Variants in SYN2 observed in about 807,000 individuals in gnomAD.
SYN2 encodes the protein synapsin-2.
Under a neutral mutation model 50.9 loss-of-function variants are expected in SYN2, and 19 were observed. The ratio of observed to expected loss-of-function variants is 0.37; its 90% CI spans 0.26 to 0.55. SYN2 has a LOEUF of 0.55. Among genes scored for constraint, SYN2 ranks in the 20% least tolerant of loss-of-function variants. The pLI is 0.81. For missense variants in SYN2, 587 were observed against 576.4 expected (o/e 1.02, Z -0.19); for synonymous variants, 255 against 224.9 (o/e 1.13, Z -1.20).
chr3:12,188,277 T>C (rs902926769), intron 12 of SYN2, among the ~76,000 whole-genome samples: 4 of 152,204 alleles, frequency 2.6e-5, no homozygotes, highest in African/African-American at 9.6e-5. Context: ...ACTGCCCCAC[T>C]GCACAGACCC....
chr3:12,182,255 GA>G (rs1416102656), intron 10 of SYN2, among the ~76,000 whole-genome samples: 3 of 152,214 alleles, frequency 2.0e-5, no homozygotes, highest in Non-Finnish European at 2.9e-5. Flanking sequence ...GGCACATCAA[GA>G]GGGGAGAGGA....
At chr3:12,145,907 G>T in intron 4 of SYN2, 72 bp downstream of exon 4, 1 of 1,588,780 alleles carries the variant, frequency 6.3e-7, no homozygotes, top group South Asian at 1.1e-5. Flanking sequence ...CCCTAGCAGG[G>T]ACTCAAGATG....
chr3:12,048,134 T>A (rs1399475028), intron 1 of SYN2, among the ~76,000 whole-genome samples: 1 of 152,170 alleles, frequency 6.6e-6, no homozygotes, highest in East Asian at 1.9e-4. Context: ...AGACAATTCG[T>A]GTTTGCTACA....
intron 3 of SYN2, among the ~76,000 whole-genome samples, chr3:12,143,136 A>G (rs1382379666): frequency 2.0e-5 from 3 of 152,170 alleles, no homozygotes; most frequent in African/African-American, 7.2e-5. Context: ...GTACCAGGGT[A>G]GGAACTCAGG....
In SYN2 at chr3:12,008,184, T is replaced by C. The variant is rs1332822930; in HGVS notation, c.377+3256T>C. ...GTTTTCTCTCAGATTCTGTCCTGCC[T>C]TTGTTCCGGAGATTCTGACCCCAGT... On this transcript the variant is annotated intron_variant, in intron 1 of 12. Transcript: ENST00000621198. Among the ~76,000 whole-genome samples the C allele has an allele frequency of 2.0e-5, 3 of 152,318 alleles. No homozygotes were observed. In the East Asian group the frequency reaches 5.8e-4, roughly 29 times the overall value.
In SYN2 at chr3:12,169,885, C is replaced by A; in HGVS notation, c.1287C>A (p.Pro429=). 6.2e-7 allele frequency: 1 copy of A among 1,610,848 alleles called. No homozygotes were observed. Among genetic ancestry groups the A allele is most frequent in the East Asian group, 2.2e-5 (1 of 44,750 alleles). Residue 429 remains proline (P), a synonymous_variant, in exon 10 of 13, where the codon CCC becomes CCA. Coordinates refer to ENST00000621198, the MANE Select transcript of SYN2 (RefSeq NM_133625.6). ...CTCCTGCCCTGTCTCCTCAGAGACC[C>A]CTAACAACCCAGCAGCCACAGGTAA... is the stretch of plus-strand genomic sequence containing the variant. ...SRTPALSPQR[P]LTTQQPQSGT...
rs576954323 is a variant in SYN2, at chr3:12,187,502, G to A, written c.1503G>A (p.Pro501=). ...CCTCCTCCTCGGCTCCTCAGCGGCC[G>A]GGCGGCCCCACCACCCACGGAGATG... ...SSSSSSAPQR[P]GGPTTHGDAP... The change falls in exon 12 of 13, where the codon CCG becomes CCA. Residue 501 remains proline, a synonymous_variant. Coordinates refer to ENST00000621198, the MANE Select transcript of SYN2 (RefSeq NM_133625.6). The A allele has an allele frequency of 1.4e-5, 22 of 1,553,210 alleles. No homozygotes were observed. In the East Asian group the frequency reaches 2.7e-4, roughly 19 times the overall value.
At chr3:12,019,131 G>A (rs182268164) in intron 1 of SYN2, among the ~76,000 whole-genome samples, 1 of 152,232 alleles carries the variant, frequency 6.6e-6, no homozygotes, top group South Asian at 2.1e-4. Context: ...ATTGGGACAT[G>A]AAGTCTTATT....
chr3:12,053,097 A>G (rs1694903799), intron 1 of SYN2, among the ~76,000 whole-genome samples: 1 of 152,348 alleles, frequency 6.6e-6, no homozygotes, highest in Middle Eastern at 3.4e-3. Flanking sequence ...CCAAGATCAT[A>G]CATTGAATTA....
rs142258721 is a variant in SYN2 at position 12,101,682 on chromosome 3, T to C, written c.378-38969T>C. The stretch of plus-strand genomic sequence containing the variant: ...AAAAGGGATACAAGGAAGAAAAGTA[T>C]AGAGATCTGAGAAGAAAATGGAGGT... On this transcript the variant is annotated intron_variant, in intron 1 of 12. Transcript: ENST00000621198. 3.5e-3 allele frequency among the ~76,000 whole-genome samples: 530 copies of C among 152,268 alleles called. 5 individuals carry two copies. The highest frequency in any genetic ancestry group is 0.01 in the African/African-American group (436 of 41,554).
intron 1 of SYN2, among the ~76,000 whole-genome samples, chr3:12,100,184 C>A (rs2125188459): frequency 6.6e-6 from 1 of 152,094 alleles, no homozygotes; most frequent in East Asian, 1.9e-4. Flanking sequence ...ATAGCCAGAA[C>A]AATCTGAAAA....
intron 1 of SYN2, among the ~76,000 whole-genome samples, chr3:12,110,074 A>C (rs1696280235): frequency 6.6e-6 from 1 of 152,278 alleles, no homozygotes; most frequent in East Asian, 1.9e-4. Flanking sequence ...CTGTAGTCCC[A>C]GCTACTGGGG....
intron 1 of SYN2, among the ~76,000 whole-genome samples, chr3:12,008,709 G>A (rs1693852548): frequency 6.6e-6 from 1 of 152,196 alleles, no homozygotes; most frequent in South Asian, 2.1e-4. Context: ...TCTTTACATA[G>A]CAGTGTAATA....
intron 1 of SYN2, among the ~76,000 whole-genome samples, chr3:12,060,098 C>T (rs1342269296): frequency 6.6e-6 from 1 of 152,176 alleles, no homozygotes; most frequent in Non-Finnish European, 1.5e-5. Flanking sequence ...GCAGAAGCTG[C>T]TGGAGTCTTA....
intron 11 of SYN2, chr3:12,184,058 G>GT: frequency 5.1e-6 from 5 of 986,262 alleles, no homozygotes; most frequent in Non-Finnish European, 6.0e-6. Flanking sequence ...ATTTGGTGCA[G>GT]TTTGAGTTTA....
chr3:12,091,222 G>A (rs1047550748), intron 1 of SYN2, among the ~76,000 whole-genome samples: 18 of 152,048 alleles, frequency 1.2e-4, no homozygotes, highest in African/African-American at 4.3e-4. Context: ...TGTAAAATTG[G>A]TACTACAAAA....
chr3:12,176,372 AG>A (rs1698068586), intron 10 of SYN2, among the ~76,000 whole-genome samples: 1 of 152,194 alleles, frequency 6.6e-6, no homozygotes, highest in Non-Finnish European at 1.5e-5. Context: ...AAAATTCTCC[AG>A]AGCCAGAAGG....
chr3:12,007,329 A>G (rs559198233), intron 1 of SYN2, among the ~76,000 whole-genome samples: 37 of 152,336 alleles, frequency 2.4e-4, no homozygotes, highest in African/African-American at 8.4e-4. Context: ...GTTCTTGACA[A>G]CAGTTTTTTG....
At chr3:12,060,323 G>A (rs909774315) in intron 1 of SYN2, among the ~76,000 whole-genome samples, 6 of 152,126 alleles carry the variant, frequency 3.9e-5, no homozygotes, top group African/African-American at 1.4e-4. Context: ...TAACCATTGT[G>A]AAATACACCC....
Sources: allele counts gnomAD v4.1 joint callset (sites outside exome capture counted in the v4.1 genomes callset), GRCh38; gene constraint gnomAD v4.1.1; transcripts MANE v1.5; gene names NCBI Gene and HGNC (gene_info 2026-07-23, HGNC 2026-07-21).